Variants in ADCK1 observed in about 807,000 individuals in gnomAD.
ADCK1 encodes aarF domain-containing protein kinase 1.
In ADCK1, 41 loss-of-function variants were observed where a neutral mutation model predicts 52.3. That is an observed-to-expected ratio of 0.78 (90% confidence interval 0.61 to 1.02). The LOEUF (loss-of-function observed/expected upper bound fraction) is 1.02. Ranked by LOEUF, ADCK1 falls within the 50% of genes least tolerant of loss-of-function variation. The pLI, the probability that ADCK1 is intolerant of heterozygous loss-of-function variation, is 0.00. For synonymous variants in ADCK1, 250 were observed against 274.6 expected (o/e 0.91, Z 0.89); for missense variants, 658 against 679.5 (o/e 0.97, Z 0.35).
chr14:77,925,204 T>G (rs2084161115), intron 8 of ADCK1, among the ~76,000 whole-genome samples: 1 of 152,264 alleles, frequency 6.6e-6, no homozygotes, highest in Admixed American at 6.5e-5. Context: ...CGAAGTAGAA[T>G]GCATTAGTTT....
At position 77,894,483 on chromosome 14, in the gene ADCK1, C is replaced by T. The variant is rs569458726; in HGVS notation, c.583-4617C>T. Reference sequence around the variant, plus strand: ...AGCTTCCTATTGTATTGTCCTGTGTCGTTGTGTTGTGTTGCACGAGGCAGG... The same window carrying T: ...AGCTTCCTATTGTATTGTCCTGTGTTGTTGTGTTGTGTTGCACGAGGCAGG... On this transcript the variant is annotated intron_variant, in intron 5 of 10. Transcript: ENST00000238561. Among the ~76,000 whole-genome samples the T allele has an allele frequency of 1.4e-4, 21 of 152,094 alleles. No individual in the cohort carries two copies. In the East Asian group the frequency reaches 2.7e-3, roughly 20 times the overall value.
chr14:77,912,099 G>C (rs533580273), intron 7 of ADCK1, among the ~76,000 whole-genome samples: 1 of 152,174 alleles, frequency 6.6e-6, no homozygotes, highest in East Asian at 1.9e-4. Flanking sequence ...GGGATCTGAC[G>C]TCTTTGTCAT....
rs531624126 is a variant in ADCK1 at position 77,854,587 on chromosome 14, C to T, written c.220-4489C>T. ...TTTTTTTTTTTTTGAGATGGAGTCTCACTCTGTCATCCAGGCTGGAGTGTA... is the reference window on the plus strand; with the variant it reads ...TTTTTTTTTTTTTGAGATGGAGTCTTACTCTGTCATCCAGGCTGGAGTGTA... On this transcript the variant is annotated intron_variant, in intron 3 of 10. Coordinates refer to ENST00000238561, the MANE Select transcript of ADCK1 (RefSeq NM_020421.4). 2.3e-5 allele frequency among the ~76,000 whole-genome samples: 3 copies of T among 133,012 alleles called. No individual in the cohort carries two copies. The South Asian group carries it at 6.9e-4, about 30-fold the overall frequency. 87.3% of individuals were successfully genotyped at this position (133,012 alleles called of 152,430 possible).
intron 7 of ADCK1, 76 bp downstream of exon 7, chr14:77,907,995 TC>T: frequency 1.6e-6 from 2 of 1,228,946 alleles, no homozygotes; most frequent in Non-Finnish European, 2.4e-6. Context: ...TGCCTGTGTG[TC>T]CAGGTGAGGC....
chr14:77,894,736 G>GTTT lies in ADCK1; in HGVS notation c.583-4338_583-4336dup. On this transcript the variant is annotated intron_variant, in intron 5 of 10. Transcript: ENST00000238561. ...TTATTTCTTTTTCTTTTCTTTTCTT[G>GTTT]TTTTTTTTTTTTTTTTTTTTTTTTT... is the stretch of plus-strand genomic sequence containing the variant. Among the ~76,000 whole-genome samples the GTTT allele has an allele frequency of 5.5e-4, 20 of 36,484 alleles. 2 individuals carry two copies. Among genetic ancestry groups the GTTT allele is most frequent in the Admixed American group, 1.9e-3 (4 of 2,128 alleles). 23.9% of individuals were successfully genotyped at this position (36,484 alleles called of 152,430 possible).
At chr14:77,870,893 T>G (rs1245988567) in intron 4 of ADCK1, among the ~76,000 whole-genome samples, 1 of 152,170 alleles carries the variant, frequency 6.6e-6, no homozygotes, top group Non-Finnish European at 1.5e-5. Flanking sequence ...CACTCAGGGC[T>G]GGGGCTGTCA....
chr14:77,927,727 C>G (rs1279967487), intron 9 of ADCK1, among the ~76,000 whole-genome samples: 1 of 152,156 alleles, frequency 6.6e-6, no homozygotes, highest in African/African-American at 2.4e-5. Flanking sequence ...CCAGGAAGAA[C>G]TTGAAGGACA....
chr14:77,844,068 T>C (rs3825692), intron 3 of ADCK1, among the ~76,000 whole-genome samples: 109,800 of 151,840 alleles, frequency 0.72, 39,835 homozygotes, highest in Admixed American at 0.76. Flanking sequence ...TAATTTCTTT[T>C]TTTCTTTTTT....
chr14:77,901,412 C>T (rs1403572680), intron 6 of ADCK1, among the ~76,000 whole-genome samples: 5 of 146,356 alleles, frequency 3.4e-5, no homozygotes, highest in Non-Finnish European at 6.0e-5. Context: ...TTTTCTGAGT[C>T]AGAGTCTCAC....
At chr14:77,860,558 A>G (rs2082522695) in intron 4 of ADCK1, among the ~76,000 whole-genome samples, 2 of 152,156 alleles carry the variant, frequency 1.3e-5, no homozygotes, top group African/African-American at 4.8e-5. Context: ...AGGTGAACAT[A>G]GAAACATCTC....
rs545218333 is a variant in ADCK1 at position 77,875,517 on chromosome 14, C to G, written c.424-11574C>G. ...AAAAAAAAGAAAACTCCTTAGCACCCTGATCTAATGAGAGCTCTGGGGTGT... is the reference window on the plus strand; with the variant it reads ...AAAAAAAAGAAAACTCCTTAGCACCGTGATCTAATGAGAGCTCTGGGGTGT... On this transcript the variant is annotated intron_variant, in intron 4 of 10. Coordinates refer to ENST00000238561, the MANE Select transcript of ADCK1 (RefSeq NM_020421.4). Among the ~76,000 whole-genome samples, 5 of 152,084 alleles carry G rather than the reference C, an allele frequency of 3.3e-5. No individual in the cohort carries two copies. In the East Asian group the frequency reaches 9.7e-4, roughly 29 times the overall value.
rs780758743 is a variant in ADCK1, at chr14:77,897,914, G to A, written c.583-1186G>A. Among the ~76,000 whole-genome samples, 89 of 152,078 alleles carry A rather than the reference G, an allele frequency of 5.9e-4. 1 individual carries two copies. The highest frequency in any genetic ancestry group is 1.0e-3 in the Non-Finnish European group (69 of 68,014). ...GTAGAGTTGGCTGTGGAATTCCCAG[G>A]GGGAATTCTAGCTCGGTACTTCCTT... On this transcript the variant is annotated intron_variant, in intron 5 of 10. Transcript: ENST00000238561.
intron 6 of ADCK1, among the ~76,000 whole-genome samples, chr14:77,904,463 C>T (rs1233014786): frequency 1.3e-5 from 2 of 152,228 alleles, no homozygotes; most frequent in East Asian, 3.9e-4. Context: ...TTCTGCTGTG[C>T]TGGACTCAGG....
rs2084115027 is a variant in ADCK1 at position 77,923,678 on chromosome 14, G to A, written c.859-779G>A. On this transcript the variant is annotated intron_variant, in intron 7 of 10. Coordinates refer to ENST00000238561, the MANE Select transcript of ADCK1 (RefSeq NM_020421.4). The surrounding 1 kb of genome is among the most constrained non-coding windows in gnomAD (Gnocchi z 4.3). ...GGAAACCTGTCAACAGACCCTCTAT[G>A]GGCCCAGGTCTGGCTTTATTCAGCA... 1 of 152,230 alleles carries A rather than the reference G, an allele frequency of 6.6e-6. No individual in the cohort carries two copies. The highest frequency in any genetic ancestry group is 1.5e-5 in the Non-Finnish European group (1 of 68,060). The allele number at this position is 152,230 out of a possible 1,614,324, so 9.4% of individuals were successfully genotyped here.
chr14:77,882,771 C>T (rs1483589365), intron 4 of ADCK1, among the ~76,000 whole-genome samples: 1 of 152,188 alleles, frequency 6.6e-6, no homozygotes, highest in East Asian at 1.9e-4. Flanking sequence ...GAAACATTGT[C>T]CAGTACCCTG....
chr14:77,880,115 C>T (rs184808387), intron 4 of ADCK1, among the ~76,000 whole-genome samples: 63 of 152,314 alleles, frequency 4.1e-4, no homozygotes, highest in African/African-American at 1.1e-3. Flanking sequence ...TCTCAGAGTG[C>T]GCACACAGCC....
At chr14:77,810,031 C>CT in intron 1 of ADCK1, among the ~76,000 whole-genome samples, 1 of 89,202 alleles carries the variant, frequency 1.1e-5, no homozygotes, top group Non-Finnish European at 2.3e-5. Context: ...GAGTGAGACT[C>CT]TGTCTCAAAA....
intron 4 of ADCK1, 143 bp from the exon 5 acceptor site, chr14:77,886,948 C>A (rs1566702138): frequency 1.5e-6 from 1 of 663,190 alleles, no homozygotes; most frequent in Non-Finnish European, 2.2e-6. Context: ...ACACGCACAA[C>A]ACACACACAC....
intron 7 of ADCK1, among the ~76,000 whole-genome samples, chr14:77,908,773 G>C (rs868422724): frequency 4.1e-4 from 62 of 152,198 alleles, no homozygotes; most frequent in Non-Finnish European, 2.9e-4. Flanking sequence ...CCAGAGCTTA[G>C]CATCAGAGTC....
Sources: gnomAD v4.1 joint callset for allele counts (sites outside exome capture counted in the v4.1 genomes callset) on GRCh38, gnomAD v4.1.1 for gene constraint, Gnocchi (gnomAD v3.1) non-coding constraint, MANE v1.5 for transcripts, NCBI Gene and HGNC (gene_info 2026-07-23, HGNC 2026-07-21) for gene names.